RBFOX3: variants seen among roughly 807,000 people sequenced by gnomAD.
The protein encoded by RBFOX3 is RNA binding protein fox-1 homolog 3.
RBFOX3 carries 17 observed loss-of-function variants against 48.7 expected under a neutral mutation model. That is an observed-to-expected ratio of 0.35 (90% confidence interval 0.24 to 0.52). The LOEUF (loss-of-function observed/expected upper bound fraction) is 0.52. Ranked by LOEUF, RBFOX3 falls within the 20% of genes least tolerant of loss-of-function variation. The probability of loss-of-function intolerance (pLI) is 0.94; values close to 1 mark genes in which losing one functional copy is unlikely to be tolerated. For synonymous variants in RBFOX3, 212 were observed against 209.5 expected (o/e 1.01, Z -0.10); for missense variants, 382 against 497.5 (o/e 0.77, Z 2.21).
At chr17:79,110,130 CA>C (rs34151285) in intron 5 of RBFOX3, among the ~76,000 whole-genome samples, 90,500 of 132,296 alleles carry the variant, frequency 0.68, 29,223 homozygotes, top group African/African-American at 0.73. Context: ...TTCCCCCACT[CA>C]AAAAAAAAAA....
At chr17:79,532,225 G>C (rs1461686936) in intron 1 of RBFOX3, among the ~76,000 whole-genome samples, 2 of 152,172 alleles carry the variant, frequency 1.3e-5, no homozygotes, top group Non-Finnish European at 2.9e-5. Flanking sequence ...GGAAGAATGA[G>C]GCTCAGTTCC....
In RBFOX3 at chr17:79,349,456, C is replaced by T. The variant is rs1460120613; in HGVS notation, c.-174-41632G>A. ...CTCCTCCTCACTTCTCCCACCTTCT[C>T]CTCCTTCTCCCAACTCCTACTCACC... is the stretch of plus-strand genomic sequence containing the variant. On this transcript the variant is annotated intron_variant, in intron 2 of 14. Coordinates refer to ENST00000693108, the MANE Select transcript of RBFOX3 (RefSeq NM_001350451.2). Among the ~76,000 whole-genome samples, 3 of 152,092 alleles carry T rather than the reference C, an allele frequency of 2.0e-5. No individual in the cohort carries two copies. The South Asian group carries it at 6.2e-4, about 32-fold the overall frequency.
chr17:79,663,694 C>T, the RBFOX3 span, among the ~76,000 whole-genome samples: 10 of 151,990 alleles, frequency 6.6e-5, no homozygotes, highest in Middle Eastern at 3.4e-3. Context: ...CCCTGACCCT[C>T]AGCCAACAAG....
chr17:79,500,911 T>C (rs1368620253), intron 1 of RBFOX3, among the ~76,000 whole-genome samples: 2 of 152,166 alleles, frequency 1.3e-5, no homozygotes, highest in African/African-American at 4.8e-5. Flanking sequence ...TAAGTACTTT[T>C]AATTCAAGGT....
intron 4 of RBFOX3, among the ~76,000 whole-genome samples, chr17:79,210,234 C>T (rs1165432896): frequency 6.6e-6 from 1 of 152,188 alleles, no homozygotes; most frequent in African/African-American, 2.4e-5. Context: ...GGAGGCTATT[C>T]TTTTGTGAAC....
intron 3 of RBFOX3, among the ~76,000 whole-genome samples, chr17:79,283,789 G>A (rs1209630926): frequency 2.0e-5 from 3 of 152,210 alleles, no homozygotes; most frequent in Non-Finnish European, 4.4e-5. Context: ...GTTTCTTTGT[G>A]CTTTGTTGGA....
At chr17:79,130,937 A>G (rs944873256) in intron 4 of RBFOX3, among the ~76,000 whole-genome samples, 26 of 152,288 alleles carry the variant, frequency 1.7e-4, no homozygotes, top group Non-Finnish European at 3.5e-4. Context: ...CGCGGGAATC[A>G]GCCCCGCACC....
intron 1 of RBFOX3, among the ~76,000 whole-genome samples, chr17:79,499,015 C>G (rs1438784031): frequency 1.3e-5 from 2 of 151,408 alleles, no homozygotes; most frequent in Non-Finnish European, 2.9e-5. Context: ...CACTCATATA[C>G]CCATCCATCC....
In RBFOX3 at chr17:79,335,704, C is replaced by G. The variant is rs755432438; in HGVS notation, c.-174-27880G>C. Among the ~76,000 whole-genome samples, 8 of 152,330 alleles carry G rather than the reference C, an allele frequency of 5.3e-5. No homozygotes were observed. The Middle Eastern group carries it at 0.01, about 194-fold the overall frequency. ...CACGCTGGGTCTGGCCCTGCTCCCA[C>G]GTGCTCATGCTCACAGGTGCTGTGC... is the stretch of plus-strand genomic sequence containing the variant. On this transcript the variant is annotated intron_variant, in intron 2 of 14. Coordinates refer to ENST00000693108, the MANE Select transcript of RBFOX3 (RefSeq NM_001350451.2).
chr17:79,179,717 A>G (rs1429072326), intron 4 of RBFOX3, among the ~76,000 whole-genome samples: 1 of 152,146 alleles, frequency 6.6e-6, no homozygotes, highest in African/African-American at 2.4e-5. Context: ...TATCCTCTCA[A>G]ACTTGGTCCA....
chr17:79,417,638 G>A (rs1329959753), intron 2 of RBFOX3, among the ~76,000 whole-genome samples: 5 of 152,228 alleles, frequency 3.3e-5, no homozygotes, highest in East Asian at 1.9e-4. Context: ...GGAAGATGGC[G>A]CCGCTGCTGC....
In RBFOX3 at chr17:79,585,175, T is replaced by C. The variant is rs963947492; in HGVS notation, c.-320+25651A>G. Among the ~76,000 whole-genome samples, 120 of 152,272 alleles carry C rather than the reference T, an allele frequency of 7.9e-4. 3 individuals are homozygous for C. The South Asian group carries it at 0.018, about 23-fold the overall frequency. ...CTGGGAGGATGGGAGCACCAAAATCTGAGAAATCACCACTAAAAAGCTTGT... is the reference window on the plus strand; with the variant it reads ...CTGGGAGGATGGGAGCACCAAAATCCGAGAAATCACCACTAAAAAGCTTGT... On this transcript the variant is annotated intron_variant, in intron 1 of 14. Coordinates refer to ENST00000693108, the MANE Select transcript of RBFOX3 (RefSeq NM_001350451.2).
chr17:79,507,302 G>A (rs1369511056), intron 1 of RBFOX3, among the ~76,000 whole-genome samples: 2 of 152,148 alleles, frequency 1.3e-5, no homozygotes, highest in African/African-American at 4.8e-5. Context: ...TTTTAAATGG[G>A]GCAGTCACCC....
In RBFOX3 at chr17:79,132,980, C is replaced by G. The variant is rs149685108; in HGVS notation, c.-33-17232G>C. Among the ~76,000 whole-genome samples the G allele has an allele frequency of 4.4e-3, 676 of 152,302 alleles. 5 individuals carry two copies. Among genetic ancestry groups the G allele is most frequent in the African/African-American group, 0.015 (641 of 41,560 alleles). On this transcript the variant is annotated intron_variant, in intron 4 of 14. Coordinates refer to ENST00000693108, the MANE Select transcript of RBFOX3 (RefSeq NM_001350451.2). ...TCGTGGCCCCTATAACCAGGCTGCT[C>G]TCCATTTCACACACGAGCAAAGTGG...
intron 4 of RBFOX3, among the ~76,000 whole-genome samples, chr17:79,159,659 C>T (rs765413396): frequency 6.6e-6 from 1 of 152,184 alleles, no homozygotes; most frequent in African/African-American, 2.4e-5. Flanking sequence ...TGCACAGGAC[C>T]GTGCCCACGC....
At chr17:79,321,705 CTTTTTT>C (rs55633027) in intron 2 of RBFOX3, among the ~76,000 whole-genome samples, 1 of 134,124 alleles carries the variant, frequency 7.5e-6, no homozygotes, top group Non-Finnish European at 1.6e-5. Flanking sequence ...AGGAATCTGG[CTTTTTT>C]TTTTTTTTTT....
intron 1 of RBFOX3, among the ~76,000 whole-genome samples, chr17:79,594,541 G>GCCCC (rs1456695304): frequency 6.6e-6 from 1 of 152,130 alleles, no homozygotes; most frequent in Non-Finnish European, 1.5e-5. Context: ...GTGCAGCCCG[G>GCCCC]CCCCTGCGCA....
chr17:79,535,075 G>A lies in RBFOX3; in HGVS notation c.-319-52477C>T, dbSNP rs547467444. Among the ~76,000 whole-genome samples, 48 of 152,336 alleles carry A rather than the reference G, an allele frequency of 3.2e-4. No homozygotes were observed. The highest frequency in any genetic ancestry group is 3.4e-3 in the Middle Eastern group (1 of 294). On this transcript the variant is annotated intron_variant, in intron 1 of 14. Coordinates refer to ENST00000693108, the MANE Select transcript of RBFOX3 (RefSeq NM_001350451.2). This position sits in a 1 kb window ranked among gnomAD's most constrained non-coding sequence, Gnocchi z 4.5. ...AAACTGGCTGAAGCCACGAGGAAGC[G>A]TGCCAGTCACATGACGGGAAGTCCA...
chr17:79,540,272 T>C (rs139664545), intron 1 of RBFOX3, among the ~76,000 whole-genome samples: 4 of 152,200 alleles, frequency 2.6e-5, no homozygotes, highest in Admixed American at 2.6e-4. Context: ...TTCAAACTCA[T>C]CCTGCTGAGA....
Sources: allele counts gnomAD v4.1 joint callset (sites outside exome capture counted in the v4.1 genomes callset), GRCh38; gene constraint gnomAD v4.1.1; non-coding constraint Gnocchi (gnomAD v3.1); transcripts MANE v1.5; gene names NCBI Gene and HGNC (gene_info 2026-07-23, HGNC 2026-07-21).